The following SUMF1 variants were observed in gnomAD, a reference collection of about 807,000 sequenced individuals.
SUMF1 encodes the protein sulfatase modifying factor 1.
In SUMF1, 48 loss-of-function variants were observed where a neutral mutation model predicts 47.6. That is an observed-to-expected ratio of 1.01 (90% CI 0.80 to 1.28). SUMF1 has a LOEUF of 1.28. Ranked by LOEUF, SUMF1 falls within the 50% of genes most tolerant of loss-of-function variation. The pLI, the probability that SUMF1 is intolerant of heterozygous loss-of-function variation, is 0.00. For synonymous variants in SUMF1, 230 were observed against 192.1 expected (o/e 1.20, Z -1.63); for missense variants, 571 against 485.4 (o/e 1.18, Z -1.66).
In SUMF1 at chr3:4,349,129, T is replaced by C. The variant is rs149755501; in HGVS notation, c.1014+27201A>G. Among the ~76,000 whole-genome samples, 733 of 152,246 alleles carry C rather than the reference T, an allele frequency of 4.8e-3. 7 individuals carry two copies. The highest frequency in any genetic ancestry group is 0.017 in the African/African-American group (706 of 41,530). ...TGACAAAGGTCTAATATCTAGAATT[T>C]ACAAGGAATTTAAACATATTTACAA... is the stretch of plus-strand genomic sequence containing the variant. On this transcript the variant is annotated intron_variant and NMD_transcript_variant, in intron 8 of 12. Coordinates refer to the SUMF1 transcript ENST00000448413.
intron 8 of SUMF1, among the ~76,000 whole-genome samples, chr3:4,220,164 A>C (rs1315925857): frequency 6.6e-6 from 1 of 152,182 alleles, no homozygotes; most frequent in Non-Finnish European, 1.5e-5. Flanking sequence ...ATTAGACATT[A>C]GTAAGAGGCC....
chr3:4,364,624 T>C (rs1176036850), intron 8 of SUMF1, among the ~76,000 whole-genome samples: 12 of 151,570 alleles, frequency 7.9e-5, no homozygotes, highest in Non-Finnish European at 1.8e-4. Flanking sequence ...TTTTCTTCTT[T>C]ATTAGTCTTG....
Position 4,444,100 on chromosome 3 carries a change from GAA to G in SUMF1, c.519+5164_519+5165del, listed in dbSNP as rs375881515. ...AGGCAAAAACAACTAATTTTCAAGG[GAA>G]AAAAATCAGATTACCATCAGGCTTT... On this transcript the variant is annotated intron_variant, in intron 3 of 8. Transcript: ENST00000272902. Among the ~76,000 whole-genome samples, 3 of 151,816 alleles carry G rather than the reference GAA, an allele frequency of 2.0e-5. No homozygotes were observed. The East Asian group carries it at 5.8e-4, about 29-fold the overall frequency.
intron 8 of SUMF1, among the ~76,000 whole-genome samples, chr3:4,069,277 G>A (rs1482865689): frequency 6.6e-6 from 1 of 152,108 alleles, no homozygotes; most frequent in Non-Finnish European, 1.5e-5. Flanking sequence ...GGCCCTGCAA[G>A]GGAGAGATGA....
chr3:4,272,607 T>C (rs1004724479), intron 8 of SUMF1, among the ~76,000 whole-genome samples: 2 of 152,166 alleles, frequency 1.3e-5, no homozygotes, highest in African/African-American at 2.4e-5. Flanking sequence ...GGGTGTGGCA[T>C]CACAGTGTCT....
intron 3 of SUMF1, among the ~76,000 whole-genome samples, chr3:4,433,840 T>C (rs1702311159): frequency 6.6e-6 from 1 of 152,174 alleles, no homozygotes; most frequent in South Asian, 2.1e-4. Context: ...CTCACTTCCA[T>C]CACTAGAAGT....
chr3:4,053,231 T>C (rs141320117), intron 9 of SUMF1, among the ~76,000 whole-genome samples: 54 of 152,280 alleles, frequency 3.5e-4, no homozygotes, highest in Middle Eastern at 6.8e-3. Context: ...AGCCTGTCAG[T>C]GGAGAAGCCA....
At chr3:4,320,415 A>G (rs964312612) in intron 8 of SUMF1, among the ~76,000 whole-genome samples, 3 of 152,224 alleles carry the variant, frequency 2.0e-5, no homozygotes, top group Admixed American at 6.5e-5. Flanking sequence ...GTCTGCTGAA[A>G]TGAACTGACA....
chr3:4,367,823 A>C (rs1014123082), intron 8 of SUMF1, among the ~76,000 whole-genome samples: 3 of 151,760 alleles, frequency 2.0e-5, no homozygotes, highest in Admixed American at 6.6e-5. Flanking sequence ...TACACCTTAT[A>C]CAAAAATTAA....
intron 8 of SUMF1, among the ~76,000 whole-genome samples, chr3:4,300,869 A>G (rs1252816989): frequency 6.6e-6 from 1 of 150,778 alleles, no homozygotes; most frequent in Non-Finnish European, 1.5e-5. Flanking sequence ...TAGAAAACAA[A>G]CATACAGAGA....
In SUMF1 at chr3:4,458,573, C is replaced by T. The variant is rs1243649055; in HGVS notation, c.271-5524G>A. Among the ~76,000 whole-genome samples the T allele has an allele frequency of 2.0e-5, 3 of 152,000 alleles. No individual in the cohort carries two copies. In the East Asian group the frequency reaches 5.8e-4, roughly 29 times the overall value. On this transcript the variant is annotated intron_variant, in intron 1 of 8. Coordinates refer to ENST00000272902, the MANE Select transcript of SUMF1 (RefSeq NM_182760.4). ...ACTTTTTAGCCTTAAAAAGAAAACT[C>T]GGCCAGGTGCGGAGGCTCACGCCTG...
chr3:4,097,345 G>A (rs1171923252), intron 8 of SUMF1, among the ~76,000 whole-genome samples: 1 of 152,064 alleles, frequency 6.6e-6, no homozygotes, highest in Non-Finnish European at 1.5e-5. Flanking sequence ...ATGAGGTCAG[G>A]AGTTCAAGAC....
chr3:4,458,788 G>A (rs1447594739), intron 1 of SUMF1, among the ~76,000 whole-genome samples: 3 of 152,090 alleles, frequency 2.0e-5, no homozygotes, highest in South Asian at 2.1e-4. Flanking sequence ...CCTGGGAGGC[G>A]GAGCTTGCAG....
At chr3:4,291,093 C>T (rs1472343644) in intron 8 of SUMF1, among the ~76,000 whole-genome samples, 2 of 152,094 alleles carry the variant, frequency 1.3e-5, no homozygotes, top group Non-Finnish European at 2.9e-5. Context: ...TGTCTAATGT[C>T]GGGCACATAG....
chr3:4,261,652 C>A (rs2125024152), intron 8 of SUMF1, among the ~76,000 whole-genome samples: 1 of 152,340 alleles, frequency 6.6e-6, no homozygotes, highest in East Asian at 1.9e-4. Context: ...ACAATCACAG[C>A]TCAATGGTCG....
At chr3:4,294,966 AT>A (rs1199360340) in intron 8 of SUMF1, among the ~76,000 whole-genome samples, 1 of 152,186 alleles carries the variant, frequency 6.6e-6, no homozygotes, top group Non-Finnish European at 1.5e-5. Flanking sequence ...ACTTTAACAC[AT>A]TCACACTTAC....
At chr3:4,465,278 C>G (rs1282112271) in intron 1 of SUMF1, among the ~76,000 whole-genome samples, 1 of 152,112 alleles carries the variant, frequency 6.6e-6, no homozygotes, top group East Asian at 1.9e-4. Context: ...AGATTGAGAC[C>G]ATCCGGGCCA....
At position 4,412,583 on chromosome 3, in the gene SUMF1, G is replaced by T. The variant is rs568469260; in HGVS notation, c.841-1605C>A. On this transcript the variant is annotated intron_variant, in intron 6 of 8. Coordinates refer to ENST00000272902, the MANE Select transcript of SUMF1 (RefSeq NM_182760.4). ...AAGGAAAGGAGCCAGAGGAGCAAGT[G>T]CGGTTAAAAGATGAAACAGGCCAGG... Among the ~76,000 whole-genome samples the T allele has an allele frequency of 2.6e-4, 40 of 152,278 alleles. 1 individual carries two copies. In the South Asian group the frequency reaches 5.2e-3, roughly 20 times the overall value.
chr3:4,285,098 C>G (rs1008025264), intron 8 of SUMF1, among the ~76,000 whole-genome samples: 16 of 152,252 alleles, frequency 1.1e-4, no homozygotes, highest in Admixed American at 3.3e-4. Flanking sequence ...TGTCTCTAAG[C>G]CACCGAATAA....
Sources: gnomAD v4.1 joint callset for allele counts (sites outside exome capture counted in the v4.1 genomes callset) on GRCh38, gnomAD v4.1.1 for gene constraint, MANE v1.5 for transcripts, NCBI Gene and HGNC (gene_info 2026-07-23, HGNC 2026-07-21) for gene names.